The following GALNT14 variants were observed in gnomAD, a reference collection of about 807,000 sequenced individuals.
GALNT14 encodes polypeptide N-acetylgalactosaminyltransferase 14.
Under a neutral mutation model 77.5 loss-of-function variants are expected in GALNT14, and 60 were observed. The ratio of observed to expected loss-of-function variants is 0.77; its 90% CI spans 0.63 to 0.96. The LOEUF is 0.96. Among genes scored for constraint, GALNT14 ranks in the 40% least tolerant of loss-of-function variants. GALNT14 has a pLI of 0.00. For synonymous variants in GALNT14, 280 were observed against 281.7 expected, an observed-to-expected ratio of 0.99 and a Z score of 0.06; for missense variants, 710 against 731.0, an observed-to-expected ratio of 0.97 and a Z score of 0.33.
At chr2:30,995,989 C>T (rs1275632723) in intron 1 of GALNT14, among the ~76,000 whole-genome samples, 1 of 152,238 alleles carries the variant, frequency 6.6e-6, no homozygotes. Context: ...AGCTCAAAGA[C>T]ATCAGCAGGA....
chr2:30,965,470 G>T (rs891367040), intron 3 of GALNT14, among the ~76,000 whole-genome samples: 8 of 152,050 alleles, frequency 5.3e-5, no homozygotes, highest in African/African-American at 1.2e-4. Flanking sequence ...TGGGGGAAGG[G>T]GGGTGAAACA....
At chr2:31,109,936 A>G (rs1177359557) in intron 1 of GALNT14, among the ~76,000 whole-genome samples, 1 of 152,154 alleles carries the variant, frequency 6.6e-6, no homozygotes, top group Non-Finnish European at 1.5e-5. Context: ...TCCAGAAACA[A>G]TATTTATAAA....
rs145291153 is a variant in GALNT14, at chr2:30,958,752, C to A, written c.399-288G>T. 4.8e-3 allele frequency among the ~76,000 whole-genome samples: 725 copies of A among 152,250 alleles called. 2 individuals carry two copies. The highest frequency in any genetic ancestry group is 0.012 in the Admixed American group (181 of 15,300). ...CCCACAGCAAATCAGTAAAGACTGG[C>A]TGGTTTGACTGGAAAATGTCACTCA... On this transcript the variant is annotated intron_variant, in intron 3 of 14. Coordinates refer to ENST00000349752, the MANE Select transcript of GALNT14 (RefSeq NM_024572.4).
chr2:30,923,132 G>A (rs1009964452), intron 13 of GALNT14, among the ~76,000 whole-genome samples: 14 of 142,620 alleles, frequency 9.8e-5, no homozygotes, highest in Non-Finnish European at 1.5e-4. Flanking sequence ...GTGTGATCTC[G>A]GCTCACTGCA....
At chr2:30,986,607 T>A (rs900547766) in intron 2 of GALNT14, among the ~76,000 whole-genome samples, 5 of 152,228 alleles carry the variant, frequency 3.3e-5, no homozygotes, top group African/African-American at 1.2e-4. Flanking sequence ...AATGTAATTG[T>A]GGTTTTTTCC....
At chr2:31,115,524 T>A (rs149203192) in intron 1 of GALNT14, among the ~76,000 whole-genome samples, 4 of 152,296 alleles carry the variant, frequency 2.6e-5, no homozygotes, top group Admixed American at 2.6e-4. Flanking sequence ...TAAATCTAAT[T>A]AGGTAATATT....
At chr2:31,125,101 G>C in intron 1 of GALNT14, 1 of 1,301,638 alleles carries the variant, frequency 7.7e-7, no homozygotes, top group Non-Finnish European at 1.1e-6. Flanking sequence ...GGGCCTGCTT[G>C]GGCAGAAAAG....
intron 2 of GALNT14, among the ~76,000 whole-genome samples, chr2:30,970,843 A>T (rs974072892): frequency 2.6e-5 from 4 of 152,156 alleles, no homozygotes; most frequent in Admixed American, 1.3e-4. Flanking sequence ...ACAGCTCAGG[A>T]GCCTGGACTC....
intron 1 of GALNT14, among the ~76,000 whole-genome samples, chr2:31,030,928 A>G (rs1189633469): frequency 6.6e-6 from 1 of 152,124 alleles, no homozygotes; most frequent in African/African-American, 2.4e-5. Context: ...TTTTGCATTC[A>G]CTGGGGGGCT....
chr2:30,976,874 C>G (rs556008861), intron 2 of GALNT14, among the ~76,000 whole-genome samples: 69 of 152,202 alleles, frequency 4.5e-4, no homozygotes, highest in African/African-American at 1.6e-3. Context: ...GAGCTTTCAG[C>G]CTGCACAGTA....
chr2:31,014,678 C>T (rs777115137), intron 1 of GALNT14, among the ~76,000 whole-genome samples: 24 of 152,160 alleles, frequency 1.6e-4, no homozygotes, highest in Non-Finnish European at 2.9e-4. Flanking sequence ...CTGCCACCCA[C>T]TAGCAGTGTG....
chr2:30,911,261 A>T (rs1208538146), intron 14 of GALNT14, among the ~76,000 whole-genome samples: 1 of 152,154 alleles, frequency 6.6e-6, no homozygotes, highest in African/African-American at 2.4e-5. Flanking sequence ...AAAAAAAGTT[A>T]AAAGCAAAAT....
chr2:31,064,372 C>T (rs895052418), intron 1 of GALNT14, among the ~76,000 whole-genome samples: 1 of 152,182 alleles, frequency 6.6e-6, no homozygotes, highest in African/African-American at 2.4e-5. Flanking sequence ...AAACTGCCTT[C>T]CAGTCAACTA....
rs1573034708 is a variant in GALNT14, at chr2:30,957,303, T to G, written c.466+1094A>C. Among the ~76,000 whole-genome samples the G allele has an allele frequency of 5.3e-5, 8 of 152,302 alleles. No homozygotes were observed. In the South Asian group the frequency reaches 1.5e-3, roughly 28 times the overall value. On this transcript the variant is annotated intron_variant, in intron 4 of 14. Transcript: ENST00000349752. Reference sequence around the variant, plus strand: ...ACAAGGAAACTGACATGCACCAGGTTGATTATTTGCCCAAGGCACATAGCT... The same window carrying G: ...ACAAGGAAACTGACATGCACCAGGTGGATTATTTGCCCAAGGCACATAGCT...
chr2:31,094,287 A>G (rs948293031), intron 1 of GALNT14, among the ~76,000 whole-genome samples: 1 of 152,190 alleles, frequency 6.6e-6, no homozygotes, highest in African/African-American at 2.4e-5. Flanking sequence ...CCCACAAAAC[A>G]TTGTTCCTAA....
chr2:30,897,983 G>C, the GALNT14 span, among the ~76,000 whole-genome samples: 2 of 152,192 alleles, frequency 1.3e-5, no homozygotes, highest in Non-Finnish European at 2.9e-5. Context: ...GGATTGAAGA[G>C]TGCAATGAAC....
intron 1 of GALNT14, among the ~76,000 whole-genome samples, chr2:31,020,999 T>C (rs1445150621): frequency 6.6e-6 from 1 of 152,196 alleles, no homozygotes; most frequent in Non-Finnish European, 1.5e-5. Context: ...CGCAGCCCCT[T>C]CTGCCAGCCA....
intron 1 of GALNT14, among the ~76,000 whole-genome samples, chr2:31,125,602 A>G (rs1202589135): frequency 1.3e-5 from 2 of 152,260 alleles, no homozygotes. Flanking sequence ...AGAAATGCAC[A>G]TTATAAAAAG....
chr2:30,891,298 C>T, the GALNT14 span, among the ~76,000 whole-genome samples: 1 of 152,132 alleles, frequency 6.6e-6, no homozygotes, highest in East Asian at 1.9e-4. Flanking sequence ...GGCTTTCCTG[C>T]TGTGTGAGTG....
Sources: gnomAD v4.1 joint callset for allele counts (sites outside exome capture counted in the v4.1 genomes callset) on GRCh38, gnomAD v4.1.1 for gene constraint, MANE v1.5 for transcripts, NCBI Gene and HGNC (gene_info 2026-07-23, HGNC 2026-07-21) for gene names.